Variants in NALF1 observed in about 807,000 individuals in gnomAD.
The protein encoded by NALF1 is NALCN channel auxiliary factor 1, also known as family with sequence similarity 155 member A.
In NALF1, 3 loss-of-function variants were observed where a neutral mutation model predicts 48.4. That is an observed-to-expected ratio of 0.06 (90% CI 0.03 to 0.16). The LOEUF (loss-of-function observed/expected upper bound fraction) is 0.16, where lower values mean the gene tolerates loss of function less well. Among genes scored for constraint, NALF1 ranks in the 10% least tolerant of loss-of-function variants. The probability of loss-of-function intolerance (pLI) is 1.00; values close to 1 mark genes in which losing one functional copy is unlikely to be tolerated. For missense variants in NALF1, 526 were observed against 571.5 expected, an observed-to-expected ratio of 0.92 and a Z score of 0.81; for synonymous variants, 262 against 245.7, an observed-to-expected ratio of 1.07 and a Z score of -0.62.
rs369290479 is a variant in NALF1 at position 107,475,185 on chromosome 13, C to T, written c.916-264430G>A. Reference sequence around the variant, plus strand: ...ATCATTGGAAGGTTTGTCATCCGAACATTATATTTGAACTCGGCTATCATT... The same window carrying T: ...ATCATTGGAAGGTTTGTCATCCGAATATTATATTTGAACTCGGCTATCATT... On this transcript the variant is annotated intron_variant, in intron 1 of 2. Transcript: ENST00000375915. Among the ~76,000 whole-genome samples the T allele has an allele frequency of 1.2e-4, 18 of 152,268 alleles. No homozygotes were observed. In the South Asian group the frequency reaches 3.3e-3, roughly 28 times the overall value.
chr13:107,204,172 C>T (rs1199936132), intron 2 of NALF1, among the ~76,000 whole-genome samples: 5 of 151,534 alleles, frequency 3.3e-5, no homozygotes, highest in Non-Finnish European at 5.9e-5. Context: ...CAGAGAGGGG[C>T]GCCCACAAGC....
At chr13:107,534,028 G>C (rs974327434) in intron 1 of NALF1, among the ~76,000 whole-genome samples, 1 of 152,082 alleles carries the variant, frequency 6.6e-6, no homozygotes, top group Non-Finnish European at 1.5e-5. Context: ...GGAGACTGAA[G>C]AGAGCAGAGA....
intron 1 of NALF1, among the ~76,000 whole-genome samples, chr13:107,246,916 T>C (rs1379259508): frequency 6.6e-6 from 1 of 152,182 alleles, no homozygotes; most frequent in African/African-American, 2.4e-5. Context: ...AATGCATCTC[T>C]ATCACAGTTG....
intron 1 of NALF1, among the ~76,000 whole-genome samples, chr13:107,364,567 G>A (rs1382669683): frequency 6.6e-6 from 1 of 152,208 alleles, no homozygotes; most frequent in Non-Finnish European, 1.5e-5. Flanking sequence ...GAAAAGCCAG[G>A]CTGCTGTGTT....
chr13:107,570,262 TA>T (rs1005379249), intron 1 of NALF1, among the ~76,000 whole-genome samples: 1 of 152,096 alleles, frequency 6.6e-6, no homozygotes, highest in African/African-American at 2.4e-5. Context: ...ATCCTCATGT[TA>T]ATTCTGATCT....
intron 1 of NALF1, among the ~76,000 whole-genome samples, chr13:107,380,775 G>A (rs1398723871): frequency 2.0e-5 from 3 of 151,714 alleles, no homozygotes; most frequent in African/African-American, 2.4e-5. Flanking sequence ...TCAGGAGATC[G>A]AGACCATCCT....
chr13:107,241,355 T>C (rs941449415), intron 1 of NALF1, among the ~76,000 whole-genome samples: 2 of 152,168 alleles, frequency 1.3e-5, no homozygotes, highest in Non-Finnish European at 2.9e-5. Context: ...CACAGTGATG[T>C]GATCTCTAGC....
chr13:107,439,337 T>C (rs1884518554), intron 1 of NALF1, among the ~76,000 whole-genome samples: 1 of 152,146 alleles, frequency 6.6e-6, no homozygotes, highest in African/African-American at 2.4e-5. Context: ...GGTGAGAACA[T>C]TTGCTACCTA....
chr13:107,795,673 C>A (rs1878400407), intron 1 of NALF1, among the ~76,000 whole-genome samples: 1 of 151,958 alleles, frequency 6.6e-6, no homozygotes, highest in South Asian at 2.1e-4. Context: ...TGTTATTATC[C>A]TTAATAATAC....
intron 1 of NALF1, among the ~76,000 whole-genome samples, chr13:107,430,375 G>A (rs1403818626): frequency 6.6e-6 from 1 of 151,660 alleles, no homozygotes; most frequent in Non-Finnish European, 1.5e-5. Context: ...GTGCCATGTT[G>A]GTGTGCTACA....
At chr13:107,264,969 T>C (rs1034689922) in intron 1 of NALF1, among the ~76,000 whole-genome samples, 2 of 152,236 alleles carry the variant, frequency 1.3e-5, no homozygotes, top group East Asian at 1.9e-4. Flanking sequence ...TGAAAGTTTT[T>C]GTATCACTGT....
intron 1 of NALF1, among the ~76,000 whole-genome samples, chr13:107,535,230 G>T (rs1322316478): frequency 1.3e-5 from 2 of 152,090 alleles, no homozygotes; most frequent in Non-Finnish European, 2.9e-5. Flanking sequence ...GAATAGGAGT[G>T]GTGAGAGAGG....
At chr13:107,472,140 C>A (rs1355029831) in intron 1 of NALF1, among the ~76,000 whole-genome samples, 1 of 152,078 alleles carries the variant, frequency 6.6e-6, no homozygotes, top group Admixed American at 6.5e-5. Flanking sequence ...ACCAGCCTGA[C>A]TAACATGGTG....
At chr13:107,730,859 G>A (rs1159394127) in intron 1 of NALF1, among the ~76,000 whole-genome samples, 3 of 152,172 alleles carry the variant, frequency 2.0e-5, no homozygotes, top group East Asian at 1.9e-4. Context: ...AGCATATGCC[G>A]AAATCCCTGG....
At chr13:107,756,435 C>CCATATATA (rs1555323651) in intron 1 of NALF1, among the ~76,000 whole-genome samples, 3 of 141,056 alleles carry the variant, frequency 2.1e-5, no homozygotes, top group African/African-American at 2.7e-5. Context: ...AGTTTAATGG[C>CCATATATA]TATATATATA....
rs200501399 is a variant in NALF1 at position 107,656,136 on chromosome 13, C to CAA, written c.915+209544_915+209545dup. ...ATGACCAACAATCTAAAGGCAAATG[C>CAA]AAAAAAAAAAAAGATAAATAGATGG... On this transcript the variant is annotated intron_variant, in intron 1 of 2. Coordinates refer to ENST00000375915, the MANE Select transcript of NALF1 (RefSeq NM_001080396.3). Among the ~76,000 whole-genome samples the CAA allele has an allele frequency of 0.021, 2,523 of 122,704 alleles. 139 individuals carry two copies. In the East Asian group the frequency reaches 0.22, roughly 11 times the overall value. 80.5% of individuals were successfully genotyped at this position (122,704 alleles called of 152,430 possible).
At chr13:107,493,009 C>T (rs1875196842) in intron 1 of NALF1, among the ~76,000 whole-genome samples, 1 of 152,156 alleles carries the variant, frequency 6.6e-6, no homozygotes. Flanking sequence ...TTTTGTGCAA[C>T]AGTGGATCAT....
chr13:107,650,668 T>C (rs1880430006), intron 1 of NALF1, among the ~76,000 whole-genome samples: 1 of 151,910 alleles, frequency 6.6e-6, no homozygotes, highest in Non-Finnish European at 1.5e-5. Flanking sequence ...ATCTCACAAA[T>C]TACTACTAAA....
chr13:107,227,356 A>T (rs928329320), intron 1 of NALF1, among the ~76,000 whole-genome samples: 1 of 152,158 alleles, frequency 6.6e-6, no homozygotes, highest in African/African-American at 2.4e-5. Flanking sequence ...AGTAACTTTG[A>T]TTACTCCAAG....
Sources: allele counts gnomAD v4.1 joint callset (sites outside exome capture counted in the v4.1 genomes callset), GRCh38; gene constraint gnomAD v4.1.1; transcripts MANE v1.5; gene names NCBI Gene and HGNC (gene_info 2026-07-23, HGNC 2026-07-21).